Variants in GLI3 observed in about 807,000 individuals in gnomAD.
GLI3 encodes the protein GLI family zinc finger 3.
GLI3 carries 20 observed loss-of-function variants against 100.8 expected under a neutral mutation model. That is an observed-to-expected ratio of 0.20 (90% CI 0.14 to 0.29). The LOEUF (loss-of-function observed/expected upper bound fraction) is 0.29, where lower values mean the gene tolerates loss of function less well. GLI3 is among the 10% of genes least tolerant of loss of function. The probability of loss-of-function intolerance (pLI) is 1.00; values close to 1 mark genes in which losing one functional copy is unlikely to be tolerated. For missense variants in GLI3, 2,040 were observed against 2,128.5 expected, an observed-to-expected ratio of 0.96 and a Z score of 0.82; for synonymous variants, 938 against 860.5, an observed-to-expected ratio of 1.09 and a Z score of -1.58.
At chr7:42,110,380 TAC>T (rs1194147600) in intron 3 of GLI3, among the ~76,000 whole-genome samples, 1 of 152,242 alleles carries the variant, frequency 6.6e-6, no homozygotes, top group African/African-American at 2.4e-5. Context: ...CTTCAACAGA[TAC>T]TGATTGGTTG....
At chr7:42,166,554 T>C (rs1332065541) in intron 2 of GLI3, among the ~76,000 whole-genome samples, 7 of 148,976 alleles carry the variant, frequency 4.7e-5, no homozygotes. Context: ...AGTGAAAGCA[T>C]AGCTCCAGTT....
chr7:42,117,837 C>T (rs1279808416), intron 3 of GLI3, among the ~76,000 whole-genome samples: 3 of 152,154 alleles, frequency 2.0e-5, no homozygotes, highest in Admixed American at 6.5e-5. Context: ...AAACCCAGCT[C>T]GAGGCTTTCC....
chr7:41,970,004 CA>C (rs1485974386), intron 13 of GLI3, among the ~76,000 whole-genome samples: 5 of 152,122 alleles, frequency 3.3e-5, no homozygotes, highest in African/African-American at 1.2e-4. Flanking sequence ...ATGTTGAAAA[CA>C]CATTGCTTCT....
chr7:42,104,963 C>T (rs987993381), intron 3 of GLI3, among the ~76,000 whole-genome samples: 1 of 152,168 alleles, frequency 6.6e-6, no homozygotes, highest in Non-Finnish European at 1.5e-5. Context: ...ATAGGCCACT[C>T]CATTTATGGT....
chr7:42,236,733 G>A (rs1275778679), intron 1 of GLI3, among the ~76,000 whole-genome samples: 1 of 152,234 alleles, frequency 6.6e-6, no homozygotes, highest in South Asian at 2.1e-4. Flanking sequence ...TCTCCAATCC[G>A]TCTCCGGCCG....
intron 3 of GLI3, among the ~76,000 whole-genome samples, chr7:42,132,292 G>T (rs1443536064): frequency 4.1e-5 from 6 of 148,094 alleles, no homozygotes; most frequent in African/African-American, 1.3e-4. Context: ...AGTAGAGATG[G>T]GGTTTCACCA....
upstream of GLI3, among the ~76,000 whole-genome samples, chr7:42,239,527 A>G (rs1562798563): frequency 1.3e-5 from 2 of 152,244 alleles, no homozygotes; most frequent in Non-Finnish European, 2.9e-5. Context: ...ATGAATACAA[A>G]TAGTACATCC....
At chr7:42,068,897 G>C (rs1172688296) in intron 4 of GLI3, among the ~76,000 whole-genome samples, 1 of 152,080 alleles carries the variant, frequency 6.6e-6, no homozygotes, top group Non-Finnish European at 1.5e-5. Flanking sequence ...TTCTGTTAAA[G>C]TTCAGTTTTC....
intron 12 of GLI3, among the ~76,000 whole-genome samples, chr7:41,975,423 C>T (rs1787483920): frequency 1.3e-5 from 2 of 152,140 alleles, no homozygotes; most frequent in Admixed American, 1.3e-4. Flanking sequence ...TTTGATGCGT[C>T]TGAAAATGTC....
chr7:42,030,782 G>A (rs527358700), intron 7 of GLI3, among the ~76,000 whole-genome samples: 3 of 149,570 alleles, frequency 2.0e-5, no homozygotes, highest in South Asian at 4.2e-4. Context: ...GCAGTGGCAC[G>A]ATCTCAGCTC....
intron 7 of GLI3, among the ~76,000 whole-genome samples, chr7:42,035,807 T>C (rs912030904): frequency 9.2e-5 from 14 of 152,210 alleles, no homozygotes; most frequent in Admixed American, 2.0e-4. Flanking sequence ...TTTACAACGT[T>C]AGCCTTAACT....
rs774428749 is a variant in GLI3, at chr7:42,138,169, T to A, written c.367+10057A>T. On this transcript the variant is annotated intron_variant, in intron 3 of 14. Coordinates refer to ENST00000395925, the MANE Select transcript of GLI3 (RefSeq NM_000168.6). The stretch of plus-strand genomic sequence containing the variant: ...CAGGCTCTCAAAACACTGCACAAAG[T>A]TTTTTAATGAAAATAAATATCATGC... Among the ~76,000 whole-genome samples the A allele has an allele frequency of 3.3e-5, 5 of 152,168 alleles. No homozygotes were observed. The South Asian group carries it at 8.3e-4, about 25-fold the overall frequency.
At chr7:42,223,104 C>T in intron 2 of GLI3, 26 bp downstream of exon 2, 6 of 1,613,312 alleles carry the variant, frequency 3.7e-6, no homozygotes, top group Non-Finnish European at 5.1e-6. Context: ...CCAGGCTGGG[C>T]TGCTGGTAAT....
chr7:42,258,055 G>A (rs913390353), intron 1 of GLI3, among the ~76,000 whole-genome samples: 2 of 152,096 alleles, frequency 1.3e-5, no homozygotes, highest in Non-Finnish European at 2.9e-5. Flanking sequence ...TTCTTTACAC[G>A]CTGGATTTTA....
intron 1 of GLI3, among the ~76,000 whole-genome samples, chr7:42,230,738 A>G (rs1322919547): frequency 1.3e-5 from 2 of 152,254 alleles, no homozygotes; most frequent in African/African-American, 2.4e-5. Flanking sequence ...CTGTAAAACT[A>G]TGAGTCCCAC....
chr7:42,043,127 G>T (rs909340069), intron 6 of GLI3, among the ~76,000 whole-genome samples: 4 of 152,088 alleles, frequency 2.6e-5, no homozygotes, highest in East Asian at 1.9e-4. Context: ...CCCAGGTTTC[G>T]ATCTACCACT....
At chr7:42,097,984 T>C (rs982959852) in intron 3 of GLI3, among the ~76,000 whole-genome samples, 1 of 152,184 alleles carries the variant, frequency 6.6e-6, no homozygotes, top group African/African-American at 2.4e-5. Context: ...GCATATGATA[T>C]TATCTCCTCT....
intron 10 of GLI3, among the ~76,000 whole-genome samples, 182 bp from the exon 11 acceptor site, chr7:41,978,930 C>T: frequency 6.6e-6 from 1 of 152,210 alleles, no homozygotes; most frequent in East Asian, 1.9e-4. Flanking sequence ...TTTGCTTTTG[C>T]TAACTGTGTA....
chr7:42,251,398 A>G (rs926153303), intron 1 of GLI3, among the ~76,000 whole-genome samples: 7 of 152,248 alleles, frequency 4.6e-5, no homozygotes, highest in African/African-American at 1.7e-4. Context: ...CTGATCTGAC[A>G]GGAGGCAGAG....
Sources: allele counts gnomAD v4.1 joint callset (sites outside exome capture counted in the v4.1 genomes callset), GRCh38; gene constraint gnomAD v4.1.1; transcripts MANE v1.5; gene names NCBI Gene and HGNC (gene_info 2026-07-23, HGNC 2026-07-21).